The following WSCD2 variants were observed in gnomAD, a reference collection of about 807,000 sequenced individuals.
WSCD2 encodes WSC domain sialate O sulfotransferase 2.
A neutral mutation model predicts 55.7 loss-of-function variants in WSCD2; 28 were observed. The observed-to-expected ratio is 0.50, with a 90% CI of 0.37 to 0.69. The LOEUF (loss-of-function observed/expected upper bound fraction) is 0.69. WSCD2 is among the 30% of genes least tolerant of loss of function. WSCD2 has a pLI of 0.00. For synonymous variants in WSCD2, 301 were observed against 301.9 expected (o/e 1.00, Z 0.03); for missense variants, 616 against 762.1 (o/e 0.81, Z 2.26).
At chr12:108,188,271 G>GT (rs546736813) in intron 1 of WSCD2, among the ~76,000 whole-genome samples, 3 of 152,144 alleles carry the variant, frequency 2.0e-5, no homozygotes, top group Admixed American at 6.5e-5. Flanking sequence ...GGGTGAGCAA[G>GT]TGTAGGGGGC....
chr12:108,205,313 C>T (rs751798), intron 2 of WSCD2, among the ~76,000 whole-genome samples: 84,675 of 152,014 alleles, frequency 0.56, 23,828 homozygotes, highest in African/African-American at 0.6. Flanking sequence ...CTGTATACAA[C>T]GGTAATAATA....
At chr12:108,232,541 G>A (rs1177187720) in intron 6 of WSCD2, among the ~76,000 whole-genome samples, 190 bp from the exon 7 acceptor site, 1 of 152,030 alleles carries the variant, frequency 6.6e-6, no homozygotes, top group Non-Finnish European at 1.5e-5. Context: ...TATGAGGGAG[G>A]AACCATCTCC....
chr12:108,225,785 A>G (rs1888016161), intron 5 of WSCD2, among the ~76,000 whole-genome samples: 1 of 152,238 alleles, frequency 6.6e-6, no homozygotes. Flanking sequence ...AACTGGGCAC[A>G]TAACTGGCAC....
chr12:108,182,947 A>G (rs935476867), intron 1 of WSCD2, among the ~76,000 whole-genome samples: 1 of 152,118 alleles, frequency 6.6e-6, no homozygotes, highest in African/African-American at 2.4e-5. Flanking sequence ...ATGGAGAGCT[A>G]GGATAAAAAT....
chr12:108,132,296 A>G (rs1991298), intron 1 of WSCD2, among the ~76,000 whole-genome samples: 124,969 of 152,142 alleles, frequency 0.82, 51,433 homozygotes, highest in East Asian at 0.91. Context: ...AAGACTCTGA[A>G]AAAACGAACA....
At position 108,232,724 on chromosome 12, in the gene WSCD2, T is replaced by C; in HGVS notation, c.980-7T>C. On this transcript the variant is annotated splice_region_variant and splice_polypyrimidine_tract_variant and intron_variant, in intron 6 of 8. Transcript: ENST00000547525. ...GTTGACCTCTGTCCATGCTCCGCCC[T>C]TTTCAGACAACCGTTGCATGGACAG... 1 of 1,607,344 alleles carries C rather than the reference T, an allele frequency of 6.2e-7. No individual in the cohort carries two copies.
At chr12:108,152,254 T>C (rs1369688286) in intron 1 of WSCD2, among the ~76,000 whole-genome samples, 1 of 152,242 alleles carries the variant, frequency 6.6e-6, no homozygotes, top group Non-Finnish European at 1.5e-5. Flanking sequence ...TCTGTTTGGC[T>C]TGGTTTCCCC....
At chr12:108,154,343 A>G (rs1040689018) in intron 1 of WSCD2, among the ~76,000 whole-genome samples, 5 of 152,154 alleles carry the variant, frequency 3.3e-5, no homozygotes, top group Non-Finnish European at 7.4e-5. Flanking sequence ...TGTTACCCAC[A>G]TCCCTTGGGT....
chr12:108,197,646 C>T (rs1029483256), intron 2 of WSCD2, among the ~76,000 whole-genome samples: 14 of 152,010 alleles, frequency 9.2e-5, no homozygotes, highest in African/African-American at 2.2e-4. Flanking sequence ...TGGGATCTCC[C>T]GGGGTATCAT....
chr12:108,229,532 A>G (rs1888507054), intron 6 of WSCD2, among the ~76,000 whole-genome samples: 1 of 152,358 alleles, frequency 6.6e-6, no homozygotes, highest in African/African-American at 2.4e-5. Context: ...ATAATTGTGT[A>G]AGGTTTATTA....
At chr12:108,143,112 C>G (rs1877016757) in intron 1 of WSCD2, among the ~76,000 whole-genome samples, 1 of 152,252 alleles carries the variant, frequency 6.6e-6, no homozygotes, top group African/African-American at 2.4e-5. Context: ...CCGCATCCAG[C>G]CTCTCCGTCA....
intron 7 of WSCD2, among the ~76,000 whole-genome samples, chr12:108,233,358 A>G (rs1366689664): frequency 1.3e-5 from 2 of 152,240 alleles, no homozygotes; most frequent in African/African-American, 2.4e-5. Flanking sequence ...TTCGCTATGC[A>G]GGGTGCTCTA....
chr12:108,133,411 G>T lies in WSCD2; in HGVS notation c.-552+3485G>T, dbSNP rs116917342. ...TTTTTCTGAGCGTGTTTGCCTGTTT[G>T]TACAGCAGTGTAACTTTTGTGCATG... is the stretch of plus-strand genomic sequence containing the variant. On this transcript the variant is annotated intron_variant, in intron 1 of 8. Coordinates refer to ENST00000547525, the MANE Select transcript of WSCD2 (RefSeq NM_014653.4). Among the ~76,000 whole-genome samples the T allele has an allele frequency of 8.3e-4, 126 of 152,184 alleles. 4 individuals are homozygous for T. The East Asian group carries it at 0.022, about 27-fold the overall frequency.
chr12:108,167,487 T>G (rs1188936286), intron 1 of WSCD2: 2 of 152,186 alleles, frequency 1.3e-5, no homozygotes, highest in Non-Finnish European at 2.9e-5. Flanking sequence ...AGCTACAACT[T>G]GAGTAAGACC....
intron 8 of WSCD2, among the ~76,000 whole-genome samples, chr12:108,244,144 C>T (rs149987595): frequency 4.6e-5 from 7 of 152,296 alleles, no homozygotes; most frequent in East Asian, 3.9e-4. Flanking sequence ...GCCTGTGCCC[C>T]GCCAGGCACA....
intron 2 of WSCD2, among the ~76,000 whole-genome samples, chr12:108,198,623 C>CA (rs1884263598): frequency 1.3e-5 from 2 of 152,220 alleles, no homozygotes; most frequent in Non-Finnish European, 2.9e-5. Context: ...CTACTTCACA[C>CA]CAACCACTTG....
intron 1 of WSCD2, among the ~76,000 whole-genome samples, chr12:108,173,917 C>CT (rs551609424): frequency 1.6e-3 from 241 of 151,308 alleles, no homozygotes; most frequent in African/African-American, 5.6e-3. Context: ...AAATTCACCT[C>CT]TATCTCCACC....
rs147017960 is a variant in WSCD2 at position 108,138,915 on chromosome 12, A to G, written c.-552+8989A>G. ...CCCAACTTGATAGACCTGGGTAGCA[A>G]TGCCCCCTGGGAGGACAGAGGAGAC... On this transcript the variant is annotated intron_variant, in intron 1 of 8. Coordinates refer to ENST00000547525, the MANE Select transcript of WSCD2 (RefSeq NM_014653.4). Among the ~76,000 whole-genome samples, 681 of 152,302 alleles carry G rather than the reference A, an allele frequency of 4.5e-3. 7 individuals carry two copies. Among genetic ancestry groups the G allele is most frequent in the African/African-American group, 0.016 (665 of 41,554 alleles).
intron 1 of WSCD2, among the ~76,000 whole-genome samples, chr12:108,159,537 G>T (rs75742101): frequency 0.05 from 7,641 of 152,288 alleles, 254 homozygotes; most frequent in Non-Finnish European, 0.078. Context: ...GCTCATCTCT[G>T]CATCCCCAGC....
Sources: gnomAD v4.1 joint callset for allele counts (sites outside exome capture counted in the v4.1 genomes callset) on GRCh38, gnomAD v4.1.1 for gene constraint, MANE v1.5 for transcripts, NCBI Gene and HGNC (gene_info 2026-07-23, HGNC 2026-07-21) for gene names.